Variants in PLXNA2 observed in about 807,000 individuals in gnomAD.
The protein encoded by PLXNA2 is plexin A2.
Under a neutral mutation model 193.5 loss-of-function variants are expected in PLXNA2, and 91 were observed. The observed-to-expected ratio is 0.47, with a 90% CI of 0.40 to 0.56. The LOEUF (loss-of-function observed/expected upper bound fraction) is 0.56, where lower values mean the gene tolerates loss of function less well. Among genes scored for constraint, PLXNA2 ranks in the 20% least tolerant of loss-of-function variants. The pLI is 0.00. For synonymous variants in PLXNA2, 997 were observed against 1,027.3 expected (o/e 0.97, Z 0.56); for missense variants, 1,995 against 2,503.2 (o/e 0.80, Z 4.33).
Position 208,075,288 on chromosome 1 carries a change from C to T in PLXNA2, c.2586+3972G>A, listed in dbSNP as rs375156995. ...TCACACCACTGCACTTCAGCCTGGG[C>T]GATAGAGTGAGACTCTGTCTCAAAA... On this transcript the variant is annotated intron_variant, in intron 12 of 31. Transcript: ENST00000367033. Among the ~76,000 whole-genome samples, 265 of 146,840 alleles carry T rather than the reference C, an allele frequency of 1.8e-3. 3 individuals are homozygous for T. The highest frequency in any genetic ancestry group is 0.017 in the South Asian group (76 of 4,426).
intron 11 of PLXNA2, among the ~76,000 whole-genome samples, chr1:208,081,381 G>A (rs1173231605): frequency 6.6e-6 from 1 of 152,210 alleles, no homozygotes; most frequent in South Asian, 2.1e-4. Flanking sequence ...TCCATTGGCT[G>A]ATCCGTCAGG....
At chr1:208,030,621 T>G in intron 29 of PLXNA2, 1 of 985,126 alleles carries the variant, frequency 1.0e-6, no homozygotes, top group African/African-American at 1.7e-5. Context: ...GGGGCTGGGG[T>G]TGGCTTTTTC....
intron 5 of PLXNA2, among the ~76,000 whole-genome samples, chr1:208,100,112 A>G (rs546036535): frequency 3.9e-5 from 6 of 151,902 alleles, no homozygotes; most frequent in African/African-American, 9.7e-5. Flanking sequence ...GGTGGCTCAC[A>G]CCTGTAATCC....
chr1:208,178,609 C>T (rs1669740236), intron 3 of PLXNA2, among the ~76,000 whole-genome samples: 1 of 152,238 alleles, frequency 6.6e-6, no homozygotes, highest in Non-Finnish European at 1.5e-5. Context: ...TCTCACACTG[C>T]ACCTGGGCCC....
At chr1:208,104,409 AC>A (rs1667195363) in intron 4 of PLXNA2, among the ~76,000 whole-genome samples, 1 of 152,154 alleles carries the variant, frequency 6.6e-6, no homozygotes, top group Admixed American at 6.5e-5. Flanking sequence ...CCCTCCCAGA[AC>A]CCTACGGTCC....
At chr1:208,124,875 C>T (rs2102455444) in intron 4 of PLXNA2, among the ~76,000 whole-genome samples, 1 of 151,026 alleles carries the variant, frequency 6.6e-6, no homozygotes, top group East Asian at 2.0e-4. Flanking sequence ...TCACAGCGTC[C>T]TTAGTGGCCA....
intron 1 of PLXNA2, among the ~76,000 whole-genome samples, chr1:208,227,296 G>T (rs769121043): frequency 6.6e-6 from 1 of 152,114 alleles, no homozygotes; most frequent in Non-Finnish European, 1.5e-5. Context: ...TACATGACAC[G>T]CTATGCTACA....
Position 208,043,124 on chromosome 1 carries a change from A to C in PLXNA2, c.3954T>G (p.Arg1318=). 6.2e-7 allele frequency: 1 copy of C among 1,614,200 alleles called. No homozygotes were observed. The highest frequency in any genetic ancestry group is 2.2e-5 in the East Asian group (1 of 44,884). ...DRSGIPYLDY[R]TYAMRVLFPG... ...GGAACAGGACTCGCATAGCGTAGGTACGATAGTCCAGGTAAGGGATTCCTG... is the reference window on the plus strand; with the variant it reads ...GGAACAGGACTCGCATAGCGTAGGTCCGATAGTCCAGGTAAGGGATTCCTG... The change falls in exon 21 of 32, where the codon CGT becomes CGG. Residue 1318 remains arginine (R), a synonymous_variant. Coordinates refer to ENST00000367033, the MANE Select transcript of PLXNA2 (RefSeq NM_025179.4).
intron 11 of PLXNA2, 85 bp from the exon 12 acceptor site, chr1:208,079,535 T>C (rs996163224): frequency 1.2e-5 from 12 of 997,102 alleles, no homozygotes; most frequent in Non-Finnish European, 1.6e-5. Context: ...ATAGAAATGA[T>C]AGAAACTCTT....
intron 1 of PLXNA2, among the ~76,000 whole-genome samples, chr1:208,219,956 C>T (rs183267541): frequency 8.5e-5 from 13 of 152,298 alleles, no homozygotes; most frequent in African/African-American, 3.1e-4. Flanking sequence ...GGTAGCAGGA[C>T]GTGAATTCCT....
rs147754037 is a variant in PLXNA2 at position 208,093,649 on chromosome 1, G to T, written c.1983-749C>A. 2.3e-3 allele frequency among the ~76,000 whole-genome samples: 351 copies of T among 152,264 alleles called. 3 individuals carry two copies. Among genetic ancestry groups the T allele is most frequent in the African/African-American group, 6.8e-3 (284 of 41,546 alleles). ...TGGTTCATATCATCTGTATTATTGG[G>T]CTTGGGGGAGCTAATAGTATTAAGT... On this transcript the variant is annotated intron_variant, in intron 8 of 31. Coordinates refer to ENST00000367033, the MANE Select transcript of PLXNA2 (RefSeq NM_025179.4).
At chr1:208,144,872 G>GA (rs1357469560) in intron 3 of PLXNA2, among the ~76,000 whole-genome samples, 1 of 152,062 alleles carries the variant, frequency 6.6e-6, no homozygotes, top group Non-Finnish European at 1.5e-5. Flanking sequence ...GGGTCAAGGG[G>GA]ATTCTAAGAG....
chr1:208,057,189 C>G (rs1247662419), intron 13 of PLXNA2, among the ~76,000 whole-genome samples: 1 of 152,184 alleles, frequency 6.6e-6, no homozygotes, highest in East Asian at 1.9e-4. Context: ...GATCTCATGC[C>G]ATCCTCAGGC....
intron 13 of PLXNA2, among the ~76,000 whole-genome samples, chr1:208,059,967 A>G (rs1174937262): frequency 6.6e-6 from 1 of 152,214 alleles, no homozygotes; most frequent in African/African-American, 2.4e-5. Context: ...TACCCCCTGC[A>G]GAGCTGTGTT....
chr1:208,216,840 C>T lies in PLXNA2; in HGVS notation c.1083G>A (p.Arg361=). ...DDSALCAFPI[R]AINLQIKERL... ...GCTCCTTGATCTGCAAGTTGATGGC[C>T]CGGATAGGGAAGGCACACAGGGCAG... is the stretch of plus-strand genomic sequence containing the variant. The change falls in exon 2 of 32, where the codon CGG becomes CGA. Residue 361 remains arginine, a synonymous_variant. Coordinates refer to ENST00000367033, the MANE Select transcript of PLXNA2 (RefSeq NM_025179.4). 6.2e-7 allele frequency: 1 copy of T among 1,614,184 alleles called. No individual in the cohort carries two copies. Among genetic ancestry groups the T allele is most frequent in the Non-Finnish European group, 8.5e-7 (1 of 1,180,040 alleles).
chr1:208,224,359 G>A (rs1456963116), intron 1 of PLXNA2, among the ~76,000 whole-genome samples: 4 of 150,358 alleles, frequency 2.7e-5, no homozygotes, highest in Non-Finnish European at 5.9e-5. Flanking sequence ...GAGTGGGGGT[G>A]AGGGGGTGGG....
intron 2 of PLXNA2, among the ~76,000 whole-genome samples, chr1:208,216,364 C>A (rs1169572569): frequency 6.6e-5 from 10 of 152,168 alleles, no homozygotes; most frequent in Admixed American, 5.9e-4. Flanking sequence ...GCCATTATCA[C>A]CATTTGGCAA....
chr1:208,096,005 A>C (rs751864488), intron 8 of PLXNA2, 24 bp downstream of exon 8: 14 of 1,576,312 alleles, frequency 8.9e-6, no homozygotes, highest in Admixed American at 1.7e-5. Context: ...ACCCAGAGCA[A>C]GACCCTTTCT....
intron 4 of PLXNA2, among the ~76,000 whole-genome samples, chr1:208,124,510 C>G (rs1334348220): frequency 1.3e-5 from 2 of 151,976 alleles, no homozygotes; most frequent in East Asian, 1.9e-4. Flanking sequence ...GAAACCCTAT[C>G]TCTACTAAAA....
Sources: gnomAD v4.1 joint callset for allele counts (sites outside exome capture counted in the v4.1 genomes callset) on GRCh38, gnomAD v4.1.1 for gene constraint, MANE v1.5 for transcripts, NCBI Gene and HGNC (gene_info 2026-07-23, HGNC 2026-07-21) for gene names.